Variants in ASIC2 observed in about 807,000 individuals in gnomAD.
The protein encoded by ASIC2 is acid-sensing ion channel 2.
Under a neutral mutation model 57.3 loss-of-function variants are expected in ASIC2, and 25 were observed. The observed-to-expected ratio is 0.44, with a 90% CI of 0.32 to 0.61. The LOEUF (loss-of-function observed/expected upper bound fraction) is 0.61. Ranked by LOEUF, ASIC2 falls within the 20% of genes least tolerant of loss-of-function variation. The pLI is 0.06. For synonymous variants in ASIC2, 319 were observed against 307.5 expected (o/e 1.04, Z -0.39); for missense variants, 641 against 738.1 (o/e 0.87, Z 1.52).
At chr17:34,053,210 C>T (rs548299959) in intron 1 of ASIC2, among the ~76,000 whole-genome samples, 1 of 152,314 alleles carries the variant, frequency 6.6e-6, no homozygotes, top group South Asian at 2.1e-4. Context: ...GCCTCTCTCT[C>T]AGGCTGGCGG....
chr17:33,339,076 G>A (rs906594107), intron 1 of ASIC2, among the ~76,000 whole-genome samples: 1 of 151,986 alleles, frequency 6.6e-6, no homozygotes, highest in Non-Finnish European at 1.5e-5. Context: ...TATGTCTTGT[G>A]TTTTTTACCA....
intron 1 of ASIC2, among the ~76,000 whole-genome samples, chr17:34,103,247 G>C (rs1910930926): frequency 6.6e-6 from 1 of 152,116 alleles, no homozygotes. Flanking sequence ...CCAGGCTTGA[G>C]CCACGCTCCC....
At chr17:33,059,207 G>A (rs1272014576) in intron 3 of ASIC2, among the ~76,000 whole-genome samples, 1 of 152,032 alleles carries the variant, frequency 6.6e-6, no homozygotes, top group Non-Finnish European at 1.5e-5. Flanking sequence ...TGTGCACAAC[G>A]TGCAGGTTTG....
intron 1 of ASIC2, chr17:33,565,714 G>C (rs1384586426): frequency 1.3e-5 from 2 of 152,248 alleles, no homozygotes; most frequent in African/African-American, 2.4e-5. Flanking sequence ...AGAGGGAAAA[G>C]AGTCTGTTAG....
At chr17:33,142,611 T>C (rs1228426590) in intron 1 of ASIC2, among the ~76,000 whole-genome samples, 1 of 152,172 alleles carries the variant, frequency 6.6e-6, no homozygotes, top group Non-Finnish European at 1.5e-5. Flanking sequence ...GAGGCTGGTA[T>C]GGGGCTCTGG....
intron 1 of ASIC2, among the ~76,000 whole-genome samples, chr17:33,928,474 C>T (rs1915868166): frequency 6.6e-6 from 1 of 152,220 alleles, no homozygotes; most frequent in African/African-American, 2.4e-5. Flanking sequence ...CACCTATGCT[C>T]TTTATGATAT....
chr17:33,939,947 G>A (rs1490896), intron 1 of ASIC2, among the ~76,000 whole-genome samples: 28,070 of 152,050 alleles, frequency 0.18, 2,879 homozygotes, highest in East Asian at 0.28. Flanking sequence ...CCAGGGTATC[G>A]GTCATCTCAT....
chr17:33,129,429 G>C (rs1454014475), intron 1 of ASIC2, among the ~76,000 whole-genome samples: 1 of 152,212 alleles, frequency 6.6e-6, no homozygotes, highest in Non-Finnish European at 1.5e-5. Flanking sequence ...ATATTTGAAG[G>C]AATATCATTT....
intron 1 of ASIC2, among the ~76,000 whole-genome samples, chr17:33,956,438 C>T (rs969094426): frequency 3.3e-5 from 5 of 152,150 alleles, no homozygotes; most frequent in Non-Finnish European, 4.4e-5. Flanking sequence ...GAAGGTGTCA[C>T]GGAAGCTCTG....
intron 1 of ASIC2, among the ~76,000 whole-genome samples, chr17:33,158,493 G>A (rs985260630): frequency 2.0e-5 from 3 of 152,178 alleles, no homozygotes; most frequent in Non-Finnish European, 4.4e-5. Flanking sequence ...CCTGGTCTGT[G>A]GATCGCTGTG....
chr17:33,993,933 G>C lies in ASIC2; in HGVS notation c.555+162045C>G, dbSNP rs575291653. Among the ~76,000 whole-genome samples the C allele has an allele frequency of 1.7e-4, 26 of 152,252 alleles. No individual in the cohort carries two copies. The South Asian group carries it at 2.7e-3, about 16-fold the overall frequency. ...CATGTGTCTGCCTTCCACAGTGACT[G>C]ATCTTTTTCTATATACAACCTGTCT... On this transcript the variant is annotated intron_variant, in intron 1 of 9. Coordinates refer to the ASIC2 transcript ENST00000359872.
At chr17:33,674,247 A>G (rs541312634) in intron 1 of ASIC2, among the ~76,000 whole-genome samples, 10 of 152,168 alleles carry the variant, frequency 6.6e-5, no homozygotes, top group Non-Finnish European at 1.2e-4. Context: ...GGTGCCCTTC[A>G]TTTCTCCCGA....
At chr17:33,818,604 G>A (rs1366104741) in intron 1 of ASIC2, among the ~76,000 whole-genome samples, 1 of 152,182 alleles carries the variant, frequency 6.6e-6, no homozygotes, top group Non-Finnish European at 1.5e-5. Flanking sequence ...TGTGGGTGGG[G>A]CAAGTGACAC....
chr17:33,551,205 CT>C, intron 1 of ASIC2, among the ~76,000 whole-genome samples: 1 of 152,230 alleles, frequency 6.6e-6, no homozygotes, highest in African/African-American at 2.4e-5. Context: ...AATATGTATG[CT>C]GATCTAGCAT....
intron 1 of ASIC2, among the ~76,000 whole-genome samples, chr17:34,067,768 GAT>G (rs1909226207): frequency 6.6e-6 from 1 of 152,146 alleles, no homozygotes; most frequent in Admixed American, 6.5e-5. Flanking sequence ...AGACATCCAT[GAT>G]ATGTTTTTAA....
chr17:33,489,925 G>A (rs529744616), intron 1 of ASIC2, among the ~76,000 whole-genome samples: 25 of 152,280 alleles, frequency 1.6e-4, no homozygotes, highest in Admixed American at 7.2e-4. Context: ...AAATAAGAAC[G>A]CGAGCCCACT....
chr17:33,999,987 T>A (rs556832974), intron 1 of ASIC2, among the ~76,000 whole-genome samples: 220 of 152,192 alleles, frequency 1.4e-3, no homozygotes, highest in African/African-American at 5.3e-3. Context: ...GAAGTCTTTA[T>A]CTCCCCTTCA....
chr17:33,248,923 T>C (rs1485068852), intron 1 of ASIC2, among the ~76,000 whole-genome samples: 1 of 152,180 alleles, frequency 6.6e-6, no homozygotes, highest in African/African-American at 2.4e-5. Flanking sequence ...GGGTTGGTAC[T>C]TGGTATTTTT....
chr17:34,127,356 AT>A (rs1191432461), intron 1 of ASIC2, among the ~76,000 whole-genome samples: 1 of 152,152 alleles, frequency 6.6e-6, no homozygotes, highest in Non-Finnish European at 1.5e-5. Context: ...TCTGAACTCT[AT>A]AAAGCAAAAA....
Sources: gnomAD v4.1 joint callset for allele counts (sites outside exome capture counted in the v4.1 genomes callset) on GRCh38, gnomAD v4.1.1 for gene constraint, MANE v1.5 for transcripts, NCBI Gene and HGNC (gene_info 2026-07-23, HGNC 2026-07-21) for gene names.